TBX15: variants seen among roughly 807,000 people sequenced by gnomAD.
The protein encoded by TBX15 is T-box transcription factor TBX15.
In TBX15, 18 loss-of-function variants were observed where a neutral mutation model predicts 53.9. That is an observed-to-expected ratio of 0.33 (90% CI 0.23 to 0.49). TBX15 has a LOEUF of 0.49. Among genes scored for constraint, TBX15 ranks in the 20% least tolerant of loss-of-function variants. The pLI is 0.98. For synonymous variants in TBX15, 295 were observed against 278.0 expected (o/e 1.06, Z -0.61); for missense variants, 692 against 749.5 (o/e 0.92, Z 0.90).
intron 5 of TBX15, among the ~76,000 whole-genome samples, chr1:118,921,662 A>C (rs1211071625): frequency 6.6e-6 from 1 of 152,200 alleles, no homozygotes; most frequent in Admixed American, 6.5e-5. Context: ...GGAGCAGGAC[A>C]CTGCTTTTCC....
At chr1:118,982,031 A>G (rs1657668859) in intron 1 of TBX15, among the ~76,000 whole-genome samples, 1 of 152,236 alleles carries the variant, frequency 6.6e-6, no homozygotes, top group South Asian at 2.1e-4. Flanking sequence ...CTCAGATGGG[A>G]AAATCATTTA....
intron 1 of TBX15, among the ~76,000 whole-genome samples, chr1:118,957,419 G>T (rs1229639453): frequency 6.6e-6 from 1 of 152,116 alleles, no homozygotes; most frequent in Non-Finnish European, 1.5e-5. Context: ...TGAAAAATTT[G>T]AGGGACACCA....
At chr1:118,899,312 A>T (rs1464533187) in intron 6 of TBX15, among the ~76,000 whole-genome samples, 187 bp from the exon 7 acceptor site, 1 of 152,138 alleles carries the variant, frequency 6.6e-6, no homozygotes, top group African/African-American at 2.4e-5. Flanking sequence ...GGAATAACAA[A>T]TTAACCCAAT....
intron 1 of TBX15, among the ~76,000 whole-genome samples, chr1:118,932,520 G>C (rs1186914832): frequency 1.3e-5 from 2 of 152,172 alleles, no homozygotes; most frequent in Non-Finnish European, 2.9e-5. Flanking sequence ...TACCCAAAAA[G>C]GCAGTTGAAA....
intron 1 of TBX15, among the ~76,000 whole-genome samples, chr1:118,943,133 A>G (rs1366449777): frequency 1.3e-5 from 2 of 152,224 alleles, no homozygotes; most frequent in Non-Finnish European, 2.9e-5. Context: ...CCTGGCGCAC[A>G]ATAGGAATAT....
At chr1:118,967,178 A>G (rs1232313129) in intron 1 of TBX15, among the ~76,000 whole-genome samples, 1 of 152,234 alleles carries the variant, frequency 6.6e-6, no homozygotes, top group Non-Finnish European at 1.5e-5. Context: ...TGTTAGAGGT[A>G]TAAGCAAAGT....
chr1:118,893,483 AAG>A, intron 7 of TBX15, among the ~76,000 whole-genome samples: 1 of 129,166 alleles, frequency 7.7e-6, no homozygotes, highest in Non-Finnish European at 1.6e-5. Context: ...GGAAGGAAGG[AAG>A]GAAAGAAAGA....
At chr1:118,928,526 C>T (rs915072992) in intron 2 of TBX15, among the ~76,000 whole-genome samples, 9 of 152,144 alleles carry the variant, frequency 5.9e-5, no homozygotes, top group African/African-American at 2.2e-4. Flanking sequence ...CATTTAAATA[C>T]AGATAAGTAA....
chr1:118,983,536 T>A (rs779314697), intron 1 of TBX15, among the ~76,000 whole-genome samples: 1 of 152,152 alleles, frequency 6.6e-6, no homozygotes, highest in Non-Finnish European at 1.5e-5. Context: ...CACTGGCCCA[T>A]GACAAACTCG....
chr1:118,966,702 G>T (rs1195348671), intron 1 of TBX15, among the ~76,000 whole-genome samples: 1 of 152,318 alleles, frequency 6.6e-6, no homozygotes, highest in Admixed American at 6.5e-5. Flanking sequence ...ACCTGGCTGT[G>T]ATCTTGCTTA....
chr1:118,909,613 C>T lies in TBX15; in HGVS notation c.926+4502G>A, dbSNP rs186791062. Among the ~76,000 whole-genome samples the T allele has an allele frequency of 5.8e-4, 88 of 152,290 alleles. No homozygotes were observed. In the Middle Eastern group the frequency reaches 0.017, roughly 29 times the overall value. ...CTTTTTCTTCTTTGAGACGGAGTCT[C>T]GCTCCGTTGCCCAGGCTGAAGTGCA... On this transcript the variant is annotated intron_variant, in intron 6 of 7. Transcript: ENST00000369429.
rs531520306 is a variant in TBX15, at chr1:118,984,215, G to A, written c.205+3376C>T. 9.2e-5 allele frequency among the ~76,000 whole-genome samples: 14 copies of A among 152,300 alleles called. No individual in the cohort carries two copies. The South Asian group carries it at 2.7e-3, about 29-fold the overall frequency. On this transcript the variant is annotated intron_variant, in intron 1 of 7. Coordinates refer to ENST00000369429, the MANE Select transcript of TBX15 (RefSeq NM_001330677.2). ...CGTGTACACGTGTACGCGGAGTGTCGATCTGCCTGCGTGTCCTTGGATGTG... is the reference window on the plus strand; with the variant it reads ...CGTGTACACGTGTACGCGGAGTGTCAATCTGCCTGCGTGTCCTTGGATGTG...
intron 1 of TBX15, among the ~76,000 whole-genome samples, chr1:118,933,795 C>T (rs1006179637): frequency 6.6e-6 from 1 of 152,030 alleles, no homozygotes; most frequent in African/African-American, 2.4e-5. Context: ...TTTCAAAAAA[C>T]CTCCTCAGAA....
At chr1:118,989,121 G>T (rs2101066821), upstream of TBX15, among the ~76,000 whole-genome samples, 1 of 152,310 alleles carries the variant, frequency 6.6e-6, no homozygotes, top group East Asian at 1.9e-4. Context: ...GGCTCTTGTT[G>T]CAGAGAACCT....
At chr1:118,893,356 G>GGAAGGAAAGAAAGAAAGAAA (rs1409523115) in intron 7 of TBX15, among the ~76,000 whole-genome samples, 6 of 51,054 alleles carry the variant, frequency 1.2e-4, no homozygotes, top group Admixed American at 4.5e-4. Flanking sequence ...AAGGAAGGAA[G>GGAAGGAAAGAAAGAAAGAAA]GAAAGAAAGA....
In TBX15 at chr1:118,959,962, C is replaced by A. The variant is rs116032515; in HGVS notation, c.205+27629G>T. Among the ~76,000 whole-genome samples the A allele has an allele frequency of 3.6e-3, 542 of 151,968 alleles. 3 individuals carry two copies. Among genetic ancestry groups the A allele is most frequent in the African/African-American group, 0.012 (502 of 41,422 alleles). ...GACTGAAACCATCTTCTCTGAATCT[C>A]TCCTGCACTCCAAGAAAAGGCCCAG... On this transcript the variant is annotated intron_variant, in intron 1 of 7. Transcript: ENST00000369429.
chr1:118,890,884 A>G (rs768222170), intron 7 of TBX15: 1 of 1,303,272 alleles, frequency 7.7e-7, no homozygotes, highest in Admixed American at 2.3e-5. Flanking sequence ...CATGAGCCAG[A>G]CTCTTCTCTC....
chr1:118,935,314 A>G (rs1655934450), intron 1 of TBX15, among the ~76,000 whole-genome samples: 1 of 152,204 alleles, frequency 6.6e-6, no homozygotes, highest in East Asian at 1.9e-4. Flanking sequence ...AAATCAGATC[A>G]TCCATTTAGA....
intron 5 of TBX15, among the ~76,000 whole-genome samples, chr1:118,917,787 T>A (rs1655292167): frequency 6.6e-6 from 1 of 152,186 alleles, no homozygotes; most frequent in Non-Finnish European, 1.5e-5. Context: ...TTCGTTAACA[T>A]GTAACTGGAC....
Sources: allele counts gnomAD v4.1 joint callset (sites outside exome capture counted in the v4.1 genomes callset), GRCh38; gene constraint gnomAD v4.1.1; transcripts MANE v1.5; gene names NCBI Gene and HGNC (gene_info 2026-07-23, HGNC 2026-07-21).